Variants in NGEF observed in about 807,000 individuals in gnomAD.
The protein encoded by NGEF is ephexin-1.
NGEF carries 31 observed loss-of-function variants against 80.9 expected under a neutral mutation model. The observed-to-expected ratio is 0.38, with a 90% confidence interval of 0.29 to 0.52. The LOEUF (loss-of-function observed/expected upper bound fraction) is 0.52, where lower values mean the gene tolerates loss of function less well. NGEF is among the 20% of genes least tolerant of loss of function. NGEF has a pLI of 0.84. For missense variants in NGEF, 709 were observed against 926.2 expected, an observed-to-expected ratio of 0.77 and a Z score of 3.04; for synonymous variants, 371 against 370.2, an observed-to-expected ratio of 1.00 and a Z score of -0.03.
intron 12 of NGEF, among the ~76,000 whole-genome samples, chr2:232,882,825 T>C (rs1285700150): frequency 6.6e-6 from 1 of 152,188 alleles, no homozygotes; most frequent in African/African-American, 2.4e-5. Flanking sequence ...GCTCAAGGCC[T>C]GCAAAGCATC....
intron 2 of NGEF, among the ~76,000 whole-genome samples, chr2:232,973,009 G>T (rs1326281212): frequency 6.6e-6 from 1 of 151,902 alleles, no homozygotes; most frequent in African/African-American, 2.4e-5. Context: ...TACCCACCTC[G>T]GCCTCCCAAA....
intron 5 of NGEF, among the ~76,000 whole-genome samples, chr2:232,904,365 A>C (rs1692440928): frequency 6.6e-6 from 1 of 152,118 alleles, no homozygotes; most frequent in African/African-American, 2.4e-5. Flanking sequence ...AGTAGCTGGA[A>C]CTACAGGCAT....
intron 1 of NGEF, among the ~76,000 whole-genome samples, chr2:232,992,268 T>C (rs1223265624): frequency 6.6e-6 from 1 of 151,952 alleles, no homozygotes; most frequent in Non-Finnish European, 1.5e-5. Context: ...ACCAAGAAAA[T>C]TCTTGGCTGG....
intron 1 of NGEF, among the ~76,000 whole-genome samples, chr2:232,987,801 C>A (rs1437881309): frequency 1.3e-5 from 2 of 152,062 alleles, no homozygotes; most frequent in Non-Finnish European, 2.9e-5. Flanking sequence ...GAAAATGAAC[C>A]CCCTCAGCCT....
chr2:232,921,830 T>C (rs181856027), intron 4 of NGEF, among the ~76,000 whole-genome samples: 1 of 152,254 alleles, frequency 6.6e-6, no homozygotes, highest in East Asian at 1.9e-4. Context: ...CAGCAGCTCC[T>C]TGGGAGAGCC....
chr2:232,894,367 A>G (rs1467104852), intron 6 of NGEF, among the ~76,000 whole-genome samples: 2 of 152,178 alleles, frequency 1.3e-5, no homozygotes, highest in Non-Finnish European at 2.9e-5. Flanking sequence ...TGCTAGGGTA[A>G]GGAGCAGCTT....
chr2:232,928,010 G>A (rs984188019), intron 3 of NGEF: 3 of 1,220,062 alleles, frequency 2.5e-6, no homozygotes, highest in African/African-American at 3.2e-5. Flanking sequence ...AGGGTCGGCG[G>A]CGGGGCGGGT....
intron 5 of NGEF, among the ~76,000 whole-genome samples, chr2:232,919,896 T>C (rs951631054): frequency 6.6e-6 from 1 of 152,196 alleles, no homozygotes; most frequent in Non-Finnish European, 1.5e-5. Flanking sequence ...CAAAGAGATA[T>C]GGCAGACCTC....
intron 1 of NGEF, among the ~76,000 whole-genome samples, chr2:232,995,578 A>ACAGTATG (rs375543206): frequency 1.5e-5 from 1 of 65,190 alleles, no homozygotes; most frequent in African/African-American, 1.5e-4. Flanking sequence ...CTGTATATAT[A>ACAGTATG]TATACAGTAT....
At chr2:232,924,531 G>A (rs1008245770) in intron 4 of NGEF, among the ~76,000 whole-genome samples, 1 of 152,146 alleles carries the variant, frequency 6.6e-6, no homozygotes, top group Non-Finnish European at 1.5e-5. Context: ...CTAAAGGCTT[G>A]TCAAAAAGCT....
At chr2:232,971,411 G>C (rs888220704) in intron 2 of NGEF, among the ~76,000 whole-genome samples, 1 of 152,198 alleles carries the variant, frequency 6.6e-6, no homozygotes, top group Non-Finnish European at 1.5e-5. Context: ...AAGGCTAGGC[G>C]CGGTGGCTCA....
At chr2:232,922,202 A>G (rs1199510601) in intron 4 of NGEF, among the ~76,000 whole-genome samples, 3 of 152,232 alleles carry the variant, frequency 2.0e-5, no homozygotes, top group Non-Finnish European at 4.4e-5. Flanking sequence ...ACTGTTAGCT[A>G]TTATTCCTTC....
chr2:232,885,509 CTCAG>C, intron 9 of NGEF, 140 bp from the exon 10 acceptor site: 1 of 671,542 alleles, frequency 1.5e-6, no homozygotes, highest in African/African-American at 1.8e-5. Flanking sequence ...GCTGGCCAGT[CTCAG>C]TCGGACTGGA....
chr2:232,975,080 T>C, intron 1 of NGEF, 116 bp from the exon 2 acceptor site: 1 of 595,928 alleles, frequency 1.7e-6, no homozygotes, highest in Non-Finnish European at 2.9e-6. Context: ...CTGCACATCC[T>C]GGTATCCACG....
chr2:232,893,126 C>A, intron 6 of NGEF, 76 bp from the exon 7 acceptor site: 2 of 1,478,556 alleles, frequency 1.4e-6, no homozygotes, highest in South Asian at 1.2e-5. Flanking sequence ...GGGCAGCATG[C>A]GAGCCTGACT....
chr2:232,935,260 G>C (rs763766892), intron 3 of NGEF, among the ~76,000 whole-genome samples: 1 of 152,198 alleles, frequency 6.6e-6, no homozygotes, highest in African/African-American at 2.4e-5. Flanking sequence ...GTGGATGGAA[G>C]CTGAGATTAT....
chr2:232,935,952 C>T (rs1478390162), intron 3 of NGEF, among the ~76,000 whole-genome samples: 1 of 152,148 alleles, frequency 6.6e-6, no homozygotes, highest in African/African-American at 2.4e-5. Context: ...TCACTCAGAA[C>T]ACATTTTCTA....
chr2:232,906,281 G>A (rs1399937718), intron 5 of NGEF, among the ~76,000 whole-genome samples: 6 of 127,914 alleles, frequency 4.7e-5, no homozygotes, highest in Non-Finnish European at 1.0e-4. Context: ...GCCTCTGCCC[G>A]GCAGCCCCTA....
At chr2:232,886,179 T>A (rs1053605756) in intron 9 of NGEF, among the ~76,000 whole-genome samples, 10 of 152,012 alleles carry the variant, frequency 6.6e-5, no homozygotes, top group African/African-American at 2.2e-4. Context: ...GTGTGATATG[T>A]ATGTGCCATG....
Sources: allele counts gnomAD v4.1 joint callset (sites outside exome capture counted in the v4.1 genomes callset), GRCh38; gene constraint gnomAD v4.1.1; transcripts MANE v1.5; gene names NCBI Gene and HGNC (gene_info 2026-07-23, HGNC 2026-07-21).